ELMO1: variants seen among roughly 807,000 people sequenced by gnomAD.
ELMO1 encodes engulfment and cell motility 1, also known as engulfment and cell motility protein 1.
A neutral mutation model predicts 98.9 loss-of-function variants in ELMO1; 26 were observed. That is an observed-to-expected ratio of 0.26 (90% CI 0.19 to 0.36). The LOEUF is 0.36. Ranked by LOEUF, ELMO1 falls within the 10% of genes least tolerant of loss-of-function variation. The pLI, the probability that ELMO1 is intolerant of heterozygous loss-of-function variation, is 1.00. For synonymous variants in ELMO1, 346 were observed against 346.0 expected, an observed-to-expected ratio of 1.00 and a Z score of 0.00; for missense variants, 627 against 935.2, an observed-to-expected ratio of 0.67 and a Z score of 4.30.
At chr7:36,916,641 C>T (rs1784711569) in intron 16 of ELMO1, among the ~76,000 whole-genome samples, 1 of 152,162 alleles carries the variant, frequency 6.6e-6, no homozygotes, top group African/African-American at 2.4e-5. Context: ...AGTACAAAAC[C>T]AAGAAGGCAA....
chr7:37,155,849 G>T (rs188642800), intron 13 of ELMO1, among the ~76,000 whole-genome samples: 1 of 151,898 alleles, frequency 6.6e-6, no homozygotes, highest in Non-Finnish European at 1.5e-5. Flanking sequence ...AGAACTCTCC[G>T]CCCCAAATTA....
chr7:37,253,952 G>T (rs1411695085), intron 6 of ELMO1, among the ~76,000 whole-genome samples: 1 of 152,118 alleles, frequency 6.6e-6, no homozygotes, highest in African/African-American at 2.4e-5. Context: ...TAATTTATGT[G>T]GTTTCTATCC....
chr7:36,888,927 ACCTTCCTTCCTT>A, intron 17 of ELMO1, among the ~76,000 whole-genome samples: 1 of 152,252 alleles, frequency 6.6e-6, no homozygotes, highest in East Asian at 1.9e-4. Flanking sequence ...AGCTCATTTA[ACCTTCCTTCCTT>A]CCTTCCTGAA....
chr7:37,402,260 G>C (rs1473766797), intron 1 of ELMO1, among the ~76,000 whole-genome samples: 1 of 152,158 alleles, frequency 6.6e-6, no homozygotes, highest in Non-Finnish European at 1.5e-5. Flanking sequence ...CAGGTTGTGA[G>C]TGAGAATATC....
At chr7:37,106,628 G>C (rs1158978200) in intron 14 of ELMO1, among the ~76,000 whole-genome samples, 1 of 152,028 alleles carries the variant, frequency 6.6e-6, no homozygotes, top group Non-Finnish European at 1.5e-5. Flanking sequence ...TGTTGAAATG[G>C]CTCAGGATGA....
At chr7:37,407,031 T>C (rs1562671272) in intron 1 of ELMO1, among the ~76,000 whole-genome samples, 1 of 152,178 alleles carries the variant, frequency 6.6e-6, no homozygotes, top group Non-Finnish European at 1.5e-5. Context: ...TAATTTATAA[T>C]AGCGTTGAAA....
At chr7:37,243,183 C>T (rs1794841564) in intron 7 of ELMO1, among the ~76,000 whole-genome samples, 1 of 152,060 alleles carries the variant, frequency 6.6e-6, no homozygotes, top group Non-Finnish European at 1.5e-5. Context: ...TATCTACATA[C>T]CAAAAGATTA....
intron 1 of ELMO1, among the ~76,000 whole-genome samples, chr7:37,443,889 G>A (rs995541985): frequency 3.9e-5 from 6 of 152,270 alleles, no homozygotes; most frequent in South Asian, 2.1e-4. Context: ...TTTTATTATG[G>A]ACAGTGCAGA....
In ELMO1 at chr7:37,099,200, CCTT is replaced by C. The variant is rs1341854770; in HGVS notation, c.1192-2476_1192-2474del. 5.9e-5 allele frequency among the ~76,000 whole-genome samples: 9 copies of C among 152,302 alleles called. No homozygotes were observed. The South Asian group carries it at 1.7e-3, about 28-fold the overall frequency. The stretch of plus-strand genomic sequence containing the variant: ...CACCTAAAGAAAAATAAACCCGCCG[CCTT>C]CTTGACTGATTTCTGTTGTCAAGGC... On this transcript the variant is annotated intron_variant, in intron 14 of 21. Coordinates refer to ENST00000310758, the MANE Select transcript of ELMO1 (RefSeq NM_014800.11).
At chr7:37,075,913 A>C (rs1483650348) in intron 15 of ELMO1, among the ~76,000 whole-genome samples, 1 of 152,204 alleles carries the variant, frequency 6.6e-6, no homozygotes, top group African/African-American at 2.4e-5. Context: ...TAATGTGAAA[A>C]CAGACAATGC....
chr7:37,296,044 T>C (rs1798012303), intron 4 of ELMO1, among the ~76,000 whole-genome samples: 1 of 152,184 alleles, frequency 6.6e-6, no homozygotes, highest in Non-Finnish European at 1.5e-5. Flanking sequence ...AGCACAGATA[T>C]ATTTATCTCC....
intron 5 of ELMO1, among the ~76,000 whole-genome samples, chr7:37,268,861 C>T (rs182989529): frequency 6.6e-6 from 1 of 152,338 alleles, no homozygotes; most frequent in East Asian, 1.9e-4. Context: ...CATCAATCAA[C>T]AAAAAGACCA....
chr7:36,863,087 T>G (rs1458943659), intron 20 of ELMO1, among the ~76,000 whole-genome samples: 1 of 152,170 alleles, frequency 6.6e-6, no homozygotes, highest in African/African-American at 2.4e-5. Context: ...CTGTCCCTCA[T>G]TGAGAGGGGG....
chr7:37,286,764 C>T (rs1797412051), intron 4 of ELMO1, among the ~76,000 whole-genome samples: 1 of 152,186 alleles, frequency 6.6e-6, no homozygotes, highest in African/African-American at 2.4e-5. Context: ...CTTTTTCTTT[C>T]TCTTTTTTTC....
chr7:36,887,641 A>C lies in ELMO1; in HGVS notation c.1633T>G (p.Leu545Val). ...ELKEKIQPEILELIKQQRLNR... is the reference protein window; with the variant it reads ...ELKEKIQPEIVELIKQQRLNR... ...AGGCGTTGCTGTTTGATCAGCTCTA[A>C]GATTTCTGGCTGAATCTTCTCCTTT... The change falls in exon 18 of 22, where the codon TTA (leucine) becomes GTA (valine). Residue 545 changes from leucine (L) to valine (V), a missense_variant. Coordinates refer to ENST00000310758, the MANE Select transcript of ELMO1 (RefSeq NM_014800.11). 6.2e-7 allele frequency: 1 copy of C among 1,614,104 alleles called. No individual in the cohort carries two copies. The highest frequency in any genetic ancestry group is 8.5e-7 in the Non-Finnish European group (1 of 1,179,952).
rs186576906 is a variant in ELMO1 at position 37,171,284 on chromosome 7, G to C, written c.1087-38050C>G. Among the ~76,000 whole-genome samples, 489 of 152,070 alleles carry C rather than the reference G, an allele frequency of 3.2e-3. 1 individual carries two copies. Among genetic ancestry groups the C allele is most frequent in the Non-Finnish European group, 6.1e-3 (412 of 67,990 alleles). Reference sequence around the variant, plus strand: ...GATCATTTAAATAACAGGAGGTGCTGGGAAATAGTTTAACTGGCTAGGTTT... The same window carrying C: ...GATCATTTAAATAACAGGAGGTGCTCGGAAATAGTTTAACTGGCTAGGTTT... On this transcript the variant is annotated intron_variant, in intron 13 of 21. Coordinates refer to ENST00000310758, the MANE Select transcript of ELMO1 (RefSeq NM_014800.11).
intron 16 of ELMO1, among the ~76,000 whole-genome samples, chr7:36,967,410 G>A (rs1789536016): frequency 6.6e-6 from 1 of 152,184 alleles, no homozygotes; most frequent in Non-Finnish European, 1.5e-5. Context: ...CCAGTGATAT[G>A]TCTTTAATTA....
In ELMO1 at chr7:36,963,657, C is replaced by A. The variant is rs568018169; in HGVS notation, c.1437+49642G>T. ...AATTAGTTCTATATAAAACATATGT[C>A]TTAATAGGAACAAAAAGCACCACTG... is the stretch of plus-strand genomic sequence containing the variant. On this transcript the variant is annotated intron_variant, in intron 16 of 21. Coordinates refer to ENST00000310758, the MANE Select transcript of ELMO1 (RefSeq NM_014800.11). Among the ~76,000 whole-genome samples the A allele has an allele frequency of 3.3e-5, 5 of 152,236 alleles. 1 individual carries two copies. Among genetic ancestry groups the A allele is most frequent in the African/African-American group, 7.2e-5 (3 of 41,552 alleles).
intron 16 of ELMO1, among the ~76,000 whole-genome samples, chr7:36,953,389 AACCTGTC>A (rs1272955354): frequency 6.6e-6 from 1 of 152,204 alleles, no homozygotes; most frequent in Admixed American, 6.5e-5. Flanking sequence ...CAATTTTTAC[AACCTGTC>A]AGACATATGT....
Sources: gnomAD v4.1 joint callset for allele counts (sites outside exome capture counted in the v4.1 genomes callset) on GRCh38, gnomAD v4.1.1 for gene constraint, MANE v1.5 for transcripts, NCBI Gene and HGNC (gene_info 2026-07-23, HGNC 2026-07-21) for gene names.